Variants in NLN observed in about 807,000 individuals in gnomAD.
The protein encoded by NLN is neurolysin, mitochondrial.
Under a neutral mutation model 79.9 loss-of-function variants are expected in NLN, and 64 were observed. The ratio of observed to expected loss-of-function variants is 0.80; its 90% CI spans 0.65 to 0.99. The LOEUF is 0.99. Among genes scored for constraint, NLN ranks in the 50% least tolerant of loss-of-function variants. The pLI is 0.00. For synonymous variants in NLN, 267 were observed against 296.6 expected (o/e 0.90, Z 1.02); for missense variants, 835 against 858.7 (o/e 0.97, Z 0.34).
rs1760927691 is a variant in NLN, at chr5:65,826,771, G to T, written c.*3856G>T. 6.6e-6 allele frequency: 1 copy of T among 152,170 alleles called. No individual in the cohort carries two copies. Among genetic ancestry groups the T allele is most frequent in the Admixed American group, 6.6e-5 (1 of 15,266 alleles). 9.4% of individuals were successfully genotyped at this position (152,170 alleles called of 1,614,324 possible). On this transcript the variant is annotated 3_prime_UTR_variant, in exon 13 of 13. Coordinates refer to ENST00000380985, the MANE Select transcript of NLN (RefSeq NM_020726.5). Reference sequence around the variant, plus strand: ...ACTAAAAAAATTAGCTAGGGATGGTGGCACATGCCTGTAGTCCCAGCTACT... The same window carrying T: ...ACTAAAAAAATTAGCTAGGGATGGTTGCACATGCCTGTAGTCCCAGCTACT...
intron 9 of NLN, among the ~76,000 whole-genome samples, chr5:65,794,537 C>T (rs1000392023): frequency 4.6e-5 from 7 of 151,622 alleles, no homozygotes; most frequent in Admixed American, 3.3e-4. Flanking sequence ...CCCAGGAGGT[C>T]GAGGCTGCGG....
chr5:65,722,693 A>C, intron 1 of NLN: 1 of 480,300 alleles, frequency 2.1e-6, no homozygotes, highest in Non-Finnish European at 3.7e-6. Flanking sequence ...GCGGCCCAAA[A>C]TGAATGCAAA....
At chr5:65,808,885 T>A (rs74456011) in intron 9 of NLN, among the ~76,000 whole-genome samples, 1 of 152,248 alleles carries the variant, frequency 6.6e-6, no homozygotes, top group South Asian at 2.1e-4. Flanking sequence ...TCTGACTTTC[T>A]ACAACATGGT....
intron 9 of NLN, among the ~76,000 whole-genome samples, chr5:65,805,519 C>T (rs1380099363): frequency 6.6e-6 from 1 of 152,196 alleles, no homozygotes; most frequent in African/African-American, 2.4e-5. Flanking sequence ...TACAACATTC[C>T]CTTAAGACAA....
intron 1 of NLN, among the ~76,000 whole-genome samples, chr5:65,756,954 C>G (rs116652495): frequency 6.6e-6 from 1 of 152,304 alleles, no homozygotes; most frequent in African/African-American, 2.4e-5. Flanking sequence ...TCTAGAAAAT[C>G]TTTCTTGACA....
intron 9 of NLN, among the ~76,000 whole-genome samples, chr5:65,795,793 A>G (rs1222829062): frequency 6.6e-6 from 1 of 152,234 alleles, no homozygotes; most frequent in Non-Finnish European, 1.5e-5. Flanking sequence ...ATTTCCTTTA[A>G]TTAGGATAAC....
intron 3 of NLN, among the ~76,000 whole-genome samples, chr5:65,768,268 A>G (rs145936979): frequency 2.6e-4 from 39 of 152,272 alleles, no homozygotes; most frequent in African/African-American, 9.1e-4. Flanking sequence ...TTGACTCACA[A>G]TTCCTCTGGG....
chr5:65,788,516 T>C, intron 8 of NLN, 32 bp downstream of exon 8: 2 of 1,594,174 alleles, frequency 1.3e-6, no homozygotes, highest in Non-Finnish European at 1.7e-6. Flanking sequence ...GAAGGGACCT[T>C]AGGGATTCAG....
intron 1 of NLN, among the ~76,000 whole-genome samples, chr5:65,737,712 G>C (rs1005434326): frequency 1.3e-5 from 2 of 152,072 alleles, no homozygotes; most frequent in Non-Finnish European, 1.5e-5. Context: ...AAAGTAGCTG[G>C]GTGCAGATTT....
chr5:65,725,730 A>C (rs1055835523), intron 1 of NLN, among the ~76,000 whole-genome samples: 2 of 152,192 alleles, frequency 1.3e-5, no homozygotes, highest in Admixed American at 1.3e-4. Flanking sequence ...TGACAATCTC[A>C]CTTTGTTACA....
intron 5 of NLN, 58 bp from the exon 6 acceptor site, chr5:65,781,203 A>C: frequency 3.5e-6 from 4 of 1,137,450 alleles, no homozygotes; most frequent in Non-Finnish European, 5.2e-6. Flanking sequence ...CCATGCCAAT[A>C]CTAAATAAAC....
At chr5:65,752,680 A>G (rs1354973169) in intron 1 of NLN, among the ~76,000 whole-genome samples, 1 of 152,190 alleles carries the variant, frequency 6.6e-6, no homozygotes, top group Non-Finnish European at 1.5e-5. Context: ...TTGAAAATGT[A>G]ACAAAGGGGA....
Position 65,774,834 on chromosome 5 carries a change from T to C in NLN, c.451-2593T>C, listed in dbSNP as rs1326782802. On this transcript the variant is annotated intron_variant, in intron 3 of 12. Transcript: ENST00000380985. ...CCACTTCCCGGGTTCAAGTGATTCT[T>C]CTGCCTCAGCCTCCCAAGTAGCTGG... 2.0e-5 allele frequency among the ~76,000 whole-genome samples: 3 copies of C among 151,790 alleles called. No homozygotes were observed. The East Asian group carries it at 5.8e-4, about 29-fold the overall frequency.
At chr5:65,737,531 A>G (rs946299118) in intron 1 of NLN, among the ~76,000 whole-genome samples, 6 of 152,184 alleles carry the variant, frequency 3.9e-5, no homozygotes, top group Non-Finnish European at 8.8e-5. Flanking sequence ...AAGGGATGCA[A>G]AATAAATATA....
Position 65,824,746 on chromosome 5 carries a change from A to ATGAGAG in NLN, c.*1831_*1832insTGAGAG, listed in dbSNP as rs1760880625. 1 of 152,230 alleles carries ATGAGAG rather than the reference A, an allele frequency of 6.6e-6. No homozygotes were observed. Among genetic ancestry groups the ATGAGAG allele is most frequent in the African/African-American group, 2.4e-5 (1 of 41,462 alleles). The allele number at this position is 152,230 out of a possible 1,614,324, so 9.4% of individuals were successfully genotyped here. The stretch of plus-strand genomic sequence containing the variant: ...AACCGAAATGCATGAGAGCAAAAGC[A>ATGAGAG]CCATGGTGTTCTTTCTATTTAGGGC... On this transcript the variant is annotated 3_prime_UTR_variant, in exon 13 of 13. Transcript: ENST00000380985.
At chr5:65,746,832 G>T (rs576424196) in intron 1 of NLN, among the ~76,000 whole-genome samples, 20 of 151,848 alleles carry the variant, frequency 1.3e-4, no homozygotes, top group South Asian at 1.0e-3. Context: ...GTGAAACCCC[G>T]TCTCTACTAA....
At chr5:65,815,917 T>G (rs2150776832) in intron 12 of NLN, among the ~76,000 whole-genome samples, 1 of 152,236 alleles carries the variant, frequency 6.6e-6, no homozygotes, top group South Asian at 2.1e-4. Flanking sequence ...TAGCTATGTG[T>G]GATGAAGAGA....
chr5:65,754,185 C>T (rs1303916098), intron 1 of NLN, among the ~76,000 whole-genome samples: 2 of 152,172 alleles, frequency 1.3e-5, no homozygotes, highest in Admixed American at 1.3e-4. Context: ...TCAGGCTTTA[C>T]AATTAGTTGA....
chr5:65,733,418 C>A, intron 1 of NLN: 1 of 1,492,334 alleles, frequency 6.7e-7, no homozygotes, highest in Non-Finnish European at 9.2e-7. Flanking sequence ...CTCTGAAAGA[C>A]CTGCTGTGTC....
Sources: allele counts gnomAD v4.1 joint callset (sites outside exome capture counted in the v4.1 genomes callset), GRCh38; gene constraint gnomAD v4.1.1; transcripts MANE v1.5; gene names NCBI Gene and HGNC (gene_info 2026-07-23, HGNC 2026-07-21).